SEMA6D: variants seen among roughly 807,000 people sequenced by gnomAD.
The protein encoded by SEMA6D is semaphorin-6D.
In SEMA6D, 35 loss-of-function variants were observed where a neutral mutation model predicts 106.6. The ratio of observed to expected loss-of-function variants is 0.33; its 90% CI spans 0.25 to 0.44. The LOEUF is 0.44. Ranked by LOEUF, SEMA6D falls within the 20% of genes least tolerant of loss-of-function variation. The probability of loss-of-function intolerance (pLI) is 1.00; values close to 1 mark genes in which losing one functional copy is unlikely to be tolerated. For missense variants in SEMA6D, 1,185 were observed against 1,345.9 expected (o/e 0.88, Z 1.87); for synonymous variants, 499 against 487.7 (o/e 1.02, Z -0.31).
At chr15:47,762,457 GAAC>G in intron 8 of SEMA6D, 138 bp downstream of exon 8, 1 of 958,980 alleles carries the variant, frequency 1.0e-6, no homozygotes, top group Non-Finnish European at 1.5e-6. Flanking sequence ...CTTTGATTGT[GAAC>G]AGGAGCATTG....
intron 1 of SEMA6D, among the ~76,000 whole-genome samples, chr15:47,329,704 T>C (rs1286204385): frequency 2.0e-5 from 3 of 152,196 alleles, no homozygotes; most frequent in Non-Finnish European, 4.4e-5. Flanking sequence ...CAGATTCCAG[T>C]TGGGTGGATG....
At chr15:47,760,080 T>G in intron 2 of SEMA6D, 173 bp downstream of exon 2, 1 of 655,726 alleles carries the variant, frequency 1.5e-6, no homozygotes, top group Admixed American at 2.9e-5. Context: ...CGGGGCAGTT[T>G]TGTTGGGTGC....
chr15:47,248,304 A>T (rs2033312575), intron 1 of SEMA6D, among the ~76,000 whole-genome samples: 1 of 152,222 alleles, frequency 6.6e-6, no homozygotes, highest in South Asian at 2.1e-4. Context: ...CCAACAAAGC[A>T]TTGTATCTCA....
Position 47,302,988 on chromosome 15 carries a change from C to T in SEMA6D, c.-238-109405C>T, listed in dbSNP as rs926383625. Reference sequence around the variant, plus strand: ...TGTAATTTACCAGAAGAATTCATGGCGAGGACACACCACTCTGCTAACTGA... The same window carrying T: ...TGTAATTTACCAGAAGAATTCATGGTGAGGACACACCACTCTGCTAACTGA... On this transcript the variant is annotated intron_variant, in intron 1 of 19. Transcript: ENST00000558014. Among the ~76,000 whole-genome samples, 20 of 152,146 alleles carry T rather than the reference C, an allele frequency of 1.3e-4. 1 individual carries two copies. The highest frequency in any genetic ancestry group is 1.2e-3 in the Admixed American group (18 of 15,274).
At chr15:47,708,609 T>A (rs2078958802) in intron 4 of SEMA6D, among the ~76,000 whole-genome samples, 1 of 152,236 alleles carries the variant, frequency 6.6e-6, no homozygotes, top group Non-Finnish European at 1.5e-5. Flanking sequence ...TCACTTATTA[T>A]TCCATCCATC....
chr15:47,745,493 A>T (rs1038675647), intron 1 of SEMA6D, among the ~76,000 whole-genome samples: 1 of 152,264 alleles, frequency 6.6e-6, no homozygotes, highest in Non-Finnish European at 1.5e-5. Flanking sequence ...CATCCCTGAC[A>T]GCAGCAAGGG....
intron 1 of SEMA6D, among the ~76,000 whole-genome samples, chr15:47,405,092 G>A (rs2040518231): frequency 6.6e-6 from 1 of 152,078 alleles, no homozygotes; most frequent in Admixed American, 6.6e-5. Flanking sequence ...CAAAGGCAGG[G>A]CATATTGGAA....
chr15:47,609,789 C>T (rs1215801208), intron 4 of SEMA6D, among the ~76,000 whole-genome samples: 6 of 152,136 alleles, frequency 3.9e-5, no homozygotes, highest in African/African-American at 7.2e-5. Flanking sequence ...CAGGTGATAC[C>T]GCATGTGTAC....
chr15:47,189,307 A>T (rs1201152770), intron 1 of SEMA6D, among the ~76,000 whole-genome samples: 1 of 152,146 alleles, frequency 6.6e-6, no homozygotes, highest in South Asian at 2.1e-4. Flanking sequence ...TGAAATTTCT[A>T]TGTAAATACA....
intron 2 of SEMA6D, among the ~76,000 whole-genome samples, chr15:47,463,506 G>A (rs144636602): frequency 6.6e-6 from 1 of 152,274 alleles, no homozygotes; most frequent in Non-Finnish European, 1.5e-5. Flanking sequence ...CCTTTGCAAT[G>A]TATTTCCAAA....
intron 1 of SEMA6D, among the ~76,000 whole-genome samples, chr15:47,290,045 A>ATT (rs1439648030): frequency 6.6e-6 from 1 of 152,182 alleles, no homozygotes; most frequent in East Asian, 1.9e-4. Context: ...GAGGAAAAAA[A>ATT]TGTCTTTCTC....
chr15:47,386,684 A>G (rs2039849998), intron 1 of SEMA6D, among the ~76,000 whole-genome samples: 1 of 152,100 alleles, frequency 6.6e-6, no homozygotes, highest in South Asian at 2.1e-4. Context: ...GGGAAGTGTG[A>G]CCTCTGGGAA....
intron 3 of SEMA6D, among the ~76,000 whole-genome samples, chr15:47,551,867 A>G (rs1312335751): frequency 2.6e-5 from 4 of 152,174 alleles, no homozygotes; most frequent in East Asian, 3.9e-4. Flanking sequence ...TGAAATTGAA[A>G]TACACAGAGG....
Position 47,767,110 on chromosome 15 carries a change from T to G in SEMA6D, c.1765+17T>G, listed in dbSNP as rs772036584. Reference sequence around the variant, plus strand: ...CAACATCTGGTTAGTTTTTTTTAATTTTTTTGAATTAACAACCTTTTCTTT... The same window carrying G: ...CAACATCTGGTTAGTTTTTTTTAATGTTTTTGAATTAACAACCTTTTCTTT... On this transcript the variant is annotated intron_variant, in intron 17 of 18. Transcript: ENST00000536845. 5.3e-6 allele frequency: 8 copies of G among 1,518,068 alleles called. No individual in the cohort carries two copies. In the South Asian group the frequency reaches 6.1e-5, roughly 12 times the overall value. The allele number at this position is 1,518,068 out of a possible 1,614,324, so 94.0% of individuals were successfully genotyped here. A position where few individuals can be genotyped will look rare whatever the true frequency, so the allele number is the denominator to read the frequency against.
At chr15:47,229,858 A>G (rs2032065666) in intron 1 of SEMA6D, among the ~76,000 whole-genome samples, 1 of 152,082 alleles carries the variant, frequency 6.6e-6, no homozygotes, top group Non-Finnish European at 1.5e-5. Context: ...TTTTCATTGA[A>G]TGAATGTTTG....
intron 3 of SEMA6D, among the ~76,000 whole-genome samples, chr15:47,538,845 TG>T (rs1292727148): frequency 6.6e-6 from 1 of 152,176 alleles, no homozygotes; most frequent in Non-Finnish European, 1.5e-5. Context: ...TTAGAAAATT[TG>T]GTTATTTAAA....
intron 4 of SEMA6D, among the ~76,000 whole-genome samples, chr15:47,678,031 T>C (rs2078279437): frequency 6.6e-6 from 1 of 152,156 alleles, no homozygotes; most frequent in African/African-American, 2.4e-5. Context: ...CTGTGAACAT[T>C]AATTTTCTCC....
chr15:47,456,559 A>G (rs1262839791), intron 2 of SEMA6D, among the ~76,000 whole-genome samples: 2 of 152,050 alleles, frequency 1.3e-5, no homozygotes, highest in Non-Finnish European at 2.9e-5. Flanking sequence ...GTACAAAATG[A>G]AAAGATTACT....
At chr15:47,508,666 G>T (rs2044130124) in intron 3 of SEMA6D, among the ~76,000 whole-genome samples, 1 of 152,186 alleles carries the variant, frequency 6.6e-6, no homozygotes, top group Non-Finnish European at 1.5e-5. Flanking sequence ...GACAAATCAG[G>T]ACTTTATTTT....
Sources: gnomAD v4.1 joint callset for allele counts (sites outside exome capture counted in the v4.1 genomes callset) on GRCh38, gnomAD v4.1.1 for gene constraint, MANE v1.5 for transcripts, NCBI Gene and HGNC (gene_info 2026-07-23, HGNC 2026-07-21) for gene names.